The following STPG2 variants were observed in gnomAD, a reference collection of about 807,000 sequenced individuals.
STPG2 encodes the protein sperm tail PG-rich repeat containing 2, also known as sperm-tail PG-rich repeat-containing protein 2.
STPG2 carries 56 observed loss-of-function variants against 54.2 expected under a neutral mutation model. The ratio of observed to expected loss-of-function variants is 1.03; its 90% confidence interval spans 0.83 to 1.29. The LOEUF is 1.29. Ranked by LOEUF, STPG2 falls within the 50% of genes most tolerant of loss-of-function variation. The probability of loss-of-function intolerance (pLI) is 0.00; values close to 1 mark genes in which losing one functional copy is unlikely to be tolerated. For missense variants in STPG2, 596 were observed against 544.9 expected (o/e 1.09, Z -0.93); for synonymous variants, 200 against 181.8 (o/e 1.10, Z -0.81).
intron 9 of STPG2, among the ~76,000 whole-genome samples, chr4:97,801,098 G>C (rs1727380716): frequency 6.6e-6 from 1 of 152,182 alleles, no homozygotes; most frequent in Non-Finnish European, 1.5e-5. Context: ...CTCTTGGCTA[G>C]GAAAGGGAAT....
At chr4:97,531,836 T>C (rs767760006) in intron 4 of STPG2, among the ~76,000 whole-genome samples, 1 of 152,182 alleles carries the variant, frequency 6.6e-6, no homozygotes, top group Non-Finnish European at 1.5e-5. Flanking sequence ...TCATTGTACA[T>C]TAAAGCTATA....
intron 10 of STPG2, among the ~76,000 whole-genome samples, chr4:97,707,652 T>C (rs1211406745): frequency 1.3e-5 from 2 of 152,118 alleles, no homozygotes; most frequent in African/African-American, 4.8e-5. Context: ...GAAAGAAATA[T>C]TGACTGGTGG....
chr4:97,839,155 T>C (rs555544224), intron 9 of STPG2, among the ~76,000 whole-genome samples: 2 of 151,712 alleles, frequency 1.3e-5, no homozygotes, highest in South Asian at 4.1e-4. Flanking sequence ...ATGTTTCATA[T>C]TATGATAAGA....
intron 10 of STPG2, among the ~76,000 whole-genome samples, chr4:97,564,344 G>A (rs1180269852): frequency 6.6e-6 from 1 of 152,106 alleles, no homozygotes; most frequent in South Asian, 2.1e-4. Context: ...TGTGAGATGG[G>A]TTTCCTGAAT....
At chr4:97,956,915 G>C (rs964793222) in intron 7 of STPG2, among the ~76,000 whole-genome samples, 1 of 151,920 alleles carries the variant, frequency 6.6e-6, no homozygotes, top group Non-Finnish European at 1.5e-5. Flanking sequence ...GACAAAATAA[G>C]GTTCATTAAC....
intron 8 of STPG2, among the ~76,000 whole-genome samples, chr4:97,841,527 GTAA>G (rs775076681): frequency 6.6e-6 from 1 of 151,814 alleles, no homozygotes; most frequent in Non-Finnish European, 1.5e-5. Flanking sequence ...TGTTGGACAA[GTAA>G]TGCCTTAAAC....
chr4:97,872,283 G>A (rs986913956), intron 8 of STPG2, among the ~76,000 whole-genome samples: 1 of 151,196 alleles, frequency 6.6e-6, no homozygotes, highest in Non-Finnish European at 1.5e-5. Flanking sequence ...GAAAGTATTA[G>A]CCTGTGCAGG....
intron 8 of STPG2, among the ~76,000 whole-genome samples, chr4:97,935,987 C>A (rs549222613): frequency 7.3e-6 from 1 of 137,874 alleles, no homozygotes; most frequent in Non-Finnish European, 1.6e-5. Context: ...GTGTTAAAAT[C>A]TCCCACTATT....
intron 9 of STPG2, among the ~76,000 whole-genome samples, chr4:97,783,851 C>A (rs1726732737): frequency 1.3e-5 from 2 of 151,990 alleles, no homozygotes; most frequent in South Asian, 4.1e-4. Context: ...CATGTTCTCA[C>A]TCATAGGTGG....
intron 4 of STPG2, among the ~76,000 whole-genome samples, chr4:97,482,615 A>C (rs1352434025): frequency 6.6e-6 from 1 of 151,696 alleles, no homozygotes; most frequent in Non-Finnish European, 1.5e-5. Context: ...GAGAAATCTA[A>C]AAGTTTGGCA....
chr4:97,925,111 G>A, intron 8 of STPG2, among the ~76,000 whole-genome samples: 1 of 152,194 alleles, frequency 6.6e-6, no homozygotes, highest in Non-Finnish European at 1.5e-5. Flanking sequence ...TATTACTTCT[G>A]AGATTTATGT....
At chr4:97,870,794 C>CA (rs1323321162) in intron 8 of STPG2, among the ~76,000 whole-genome samples, 1 of 151,082 alleles carries the variant, frequency 6.6e-6, no homozygotes, top group African/African-American at 2.4e-5. Context: ...TAGAAATAAA[C>CA]AATACACCAA....
chr4:97,562,963 A>C (rs772469368), intron 10 of STPG2, among the ~76,000 whole-genome samples: 5 of 152,114 alleles, frequency 3.3e-5, no homozygotes, highest in Non-Finnish European at 7.4e-5. Flanking sequence ...TCATAAAATG[A>C]GTTAGGGAGG....
chr4:97,558,097 A>G (rs1208612872), downstream of STPG2, among the ~76,000 whole-genome samples: 1 of 152,214 alleles, frequency 6.6e-6, no homozygotes, highest in Non-Finnish European at 1.5e-5. Context: ...TGTGCCTAAT[A>G]CATCCATATA....
rs539088552 is a variant in STPG2, at chr4:97,551,094, G to T, written c.462+161605C>A. On this transcript the variant is annotated intron_variant, in intron 4 of 4. Transcript: ENST00000522676. Reference sequence around the variant, plus strand: ...GGCTCTGCCCACATCCTGCTGATTGGTCCATTTTACAGAGTGCTGATTGGT... The same window carrying T: ...GGCTCTGCCCACATCCTGCTGATTGTTCCATTTTACAGAGTGCTGATTGGT... Among the ~76,000 whole-genome samples the T allele has an allele frequency of 6.0e-3, 908 of 151,684 alleles. 5 individuals are homozygous for T. Among genetic ancestry groups the T allele is most frequent in the African/African-American group, 0.021 (864 of 41,048 alleles).
chr4:97,983,598 C>T (rs955709596), intron 5 of STPG2, among the ~76,000 whole-genome samples: 4 of 152,122 alleles, frequency 2.6e-5, no homozygotes, highest in African/African-American at 4.8e-5. Context: ...ATCATTATCT[C>T]GTTTAGAACT....
At chr4:98,017,554 C>T (rs556137019) in intron 5 of STPG2, among the ~76,000 whole-genome samples, 1 of 152,190 alleles carries the variant, frequency 6.6e-6, no homozygotes, top group African/African-American at 2.4e-5. Context: ...AACTGTCCTT[C>T]CTACCCTCTT....
chr4:97,934,795 A>C (rs1322966948), intron 8 of STPG2, among the ~76,000 whole-genome samples: 1 of 152,120 alleles, frequency 6.6e-6, no homozygotes, highest in Non-Finnish European at 1.5e-5. Context: ...TATGTTCATC[A>C]GGGATATTGG....
intron 10 of STPG2, among the ~76,000 whole-genome samples, chr4:97,665,781 C>G (rs1376620292): frequency 6.6e-6 from 1 of 152,140 alleles, no homozygotes; most frequent in African/African-American, 2.4e-5. Context: ...GTCAGCTTCC[C>G]TCCCATGCTC....
Sources: gnomAD v4.1 joint callset for allele counts (sites outside exome capture counted in the v4.1 genomes callset) on GRCh38, gnomAD v4.1.1 for gene constraint, MANE v1.5 for transcripts, NCBI Gene and HGNC (gene_info 2026-07-23, HGNC 2026-07-21) for gene names.